Variants in EXOC6B observed in about 807,000 individuals in gnomAD.
The protein encoded by EXOC6B is SEC15 homolog B.
EXOC6B carries 54 observed loss-of-function variants against 113.5 expected under a neutral mutation model. That is an observed-to-expected ratio of 0.48 (90% confidence interval 0.38 to 0.60). The LOEUF (loss-of-function observed/expected upper bound fraction) is 0.60. EXOC6B is among the 20% of genes least tolerant of loss of function. The pLI is 0.00. For missense variants in EXOC6B, 797 were observed against 977.5 expected (o/e 0.82, Z 2.46); for synonymous variants, 357 against 339.0 (o/e 1.05, Z -0.58).
At chr2:72,682,624 T>C (rs1676791989) in intron 6 of EXOC6B, among the ~76,000 whole-genome samples, 1 of 152,174 alleles carries the variant, frequency 6.6e-6, no homozygotes. Context: ...AAAACAGAAC[T>C]ATTCATTCAA....
intron 6 of EXOC6B, among the ~76,000 whole-genome samples, chr2:72,594,985 G>A (rs543069739): frequency 5.3e-5 from 8 of 152,162 alleles, no homozygotes; most frequent in Non-Finnish European, 1.0e-4. Flanking sequence ...GACGCCGGAC[G>A]CAGTGGCTCA....
chr2:72,348,376 G>A (rs1205924386), intron 19 of EXOC6B, among the ~76,000 whole-genome samples: 2 of 152,018 alleles, frequency 1.3e-5, no homozygotes, highest in Middle Eastern at 3.2e-3. Context: ...AATTCTCTTG[G>A]TATTTGGAAC....
At chr2:72,183,028 A>G in intron 21 of EXOC6B, 1 of 479,376 alleles carries the variant, frequency 2.1e-6, no homozygotes, top group Non-Finnish European at 3.3e-6. Context: ...CTCCAAATAC[A>G]TACACCTGCA....
intron 19 of EXOC6B, among the ~76,000 whole-genome samples, chr2:72,356,461 A>G (rs1257196444): frequency 6.6e-6 from 1 of 152,112 alleles, no homozygotes; most frequent in Non-Finnish European, 1.5e-5. Context: ...AAACCCAGGA[A>G]TTCAAGGCTG....
At chr2:72,552,265 T>C (rs1262179963) in intron 8 of EXOC6B, among the ~76,000 whole-genome samples, 1 of 152,216 alleles carries the variant, frequency 6.6e-6, no homozygotes, top group East Asian at 1.9e-4. Context: ...TGAATAAACA[T>C]GATTATTTTT....
At position 72,269,652 on chromosome 2, in the gene EXOC6B, A is replaced by AT. The variant is rs1456449355; in HGVS notation, c.2196+65294_2196+65295insA. 3.3e-5 allele frequency among the ~76,000 whole-genome samples: 5 copies of AT among 152,278 alleles called. No homozygotes were observed. In the East Asian group the frequency reaches 7.7e-4, roughly 24 times the overall value. On this transcript the variant is annotated intron_variant, in intron 20 of 21. Coordinates refer to ENST00000272427, the MANE Select transcript of EXOC6B (RefSeq NM_015189.3). ...AGAGGGAGACCCTCTCTTAAAAAAAAGGCAACCTTTGACATCAGAAGATCT... is the reference window on the plus strand; with the variant it reads ...AGAGGGAGACCCTCTCTTAAAAAAAATGGCAACCTTTGACATCAGAAGATCT...
intron 20 of EXOC6B, among the ~76,000 whole-genome samples, chr2:72,311,831 G>T (rs1457929827): frequency 1.3e-5 from 2 of 152,164 alleles, no homozygotes; most frequent in African/African-American, 4.8e-5. Context: ...ATGGATAGAG[G>T]AAAGAAGACC....
intron 6 of EXOC6B, among the ~76,000 whole-genome samples, chr2:72,607,597 C>T (rs1670829708): frequency 6.6e-6 from 1 of 151,998 alleles, no homozygotes; most frequent in Non-Finnish European, 1.5e-5. Flanking sequence ...ATCTTAGAGT[C>T]CAGGGCATAG....
At chr2:72,645,759 A>G (rs1478201512) in intron 6 of EXOC6B, among the ~76,000 whole-genome samples, 4 of 152,228 alleles carry the variant, frequency 2.6e-5, no homozygotes, top group Non-Finnish European at 5.9e-5. Context: ...CAAAGACACA[A>G]CATACCAGAA....
chr2:72,571,391 C>CT (rs931881464), intron 7 of EXOC6B, among the ~76,000 whole-genome samples: 24 of 148,540 alleles, frequency 1.6e-4, no homozygotes, highest in African/African-American at 4.2e-4. Context: ...ATCACTCCCT[C>CT]TTTTTTTTTT....
chr2:72,648,664 A>C (rs1673927280), intron 6 of EXOC6B, among the ~76,000 whole-genome samples: 1 of 152,240 alleles, frequency 6.6e-6, no homozygotes, highest in Non-Finnish European at 1.5e-5. Flanking sequence ...ATCCATTAAC[A>C]GACAAATAGA....
intron 19 of EXOC6B, among the ~76,000 whole-genome samples, chr2:72,345,591 T>C (rs1452174622): frequency 6.6e-6 from 1 of 152,038 alleles, no homozygotes; most frequent in Non-Finnish European, 1.5e-5. Flanking sequence ...AAGCTACATA[T>C]TGTATGATTC....
At chr2:72,313,202 T>C (rs1026068002) in intron 20 of EXOC6B, among the ~76,000 whole-genome samples, 2 of 147,430 alleles carry the variant, frequency 1.4e-5, no homozygotes, top group Non-Finnish European at 3.0e-5. Flanking sequence ...ACAACACAGA[T>C]TGGGGCCTAA....
At chr2:72,636,582 C>T (rs1201797981) in intron 6 of EXOC6B, among the ~76,000 whole-genome samples, 1 of 152,054 alleles carries the variant, frequency 6.6e-6, no homozygotes, top group African/African-American at 2.4e-5. Context: ...GAAGAAAAAG[C>T]ACCATATGAT....
chr2:72,704,991 A>G lies in EXOC6B; in HGVS notation c.669+13112T>C, dbSNP rs565046942. Among the ~76,000 whole-genome samples, 63 of 152,270 alleles carry G rather than the reference A, an allele frequency of 4.1e-4. 1 individual carries two copies. Among genetic ancestry groups the G allele is most frequent in the Middle Eastern group, 3.4e-3 (1 of 294 alleles). On this transcript the variant is annotated intron_variant, in intron 6 of 21. Coordinates refer to ENST00000272427, the MANE Select transcript of EXOC6B (RefSeq NM_015189.3). The stretch of plus-strand genomic sequence containing the variant: ...TAACTCATTTTATGAGGCCAGTATC[A>G]TTCTGATACCAAAGCCAGGCAGAGA...
chr2:72,353,169 G>C (rs938332347), intron 19 of EXOC6B, among the ~76,000 whole-genome samples: 1 of 152,126 alleles, frequency 6.6e-6, no homozygotes, highest in African/African-American at 2.4e-5. Flanking sequence ...TTTGGAGTTC[G>C]TTGATAGAGC....
intron 1 of EXOC6B, among the ~76,000 whole-genome samples, chr2:72,775,782 A>G (rs1683661425): frequency 1.3e-5 from 2 of 152,248 alleles, no homozygotes; most frequent in Admixed American, 1.3e-4. Flanking sequence ...ATGATTATAA[A>G]AAGGTACCAT....
chr2:72,402,456 A>G (rs758409453), intron 18 of EXOC6B, among the ~76,000 whole-genome samples: 3 of 143,478 alleles, frequency 2.1e-5, no homozygotes, highest in African/African-American at 3.0e-5. Context: ...ATTTCTTCAT[A>G]TGGCCTTCAG....
chr2:72,578,445 T>C (rs1046669631), intron 6 of EXOC6B, among the ~76,000 whole-genome samples: 2 of 152,102 alleles, frequency 1.3e-5, no homozygotes, highest in Admixed American at 6.5e-5. Flanking sequence ...TTTCCACTTC[T>C]ATATCCTTAG....
Sources: gnomAD v4.1 joint callset for allele counts (sites outside exome capture counted in the v4.1 genomes callset) on GRCh38, gnomAD v4.1.1 for gene constraint, MANE v1.5 for transcripts, NCBI Gene and HGNC (gene_info 2026-07-23, HGNC 2026-07-21) for gene names.